The following ARL13B variants were observed in gnomAD, a reference collection of about 807,000 sequenced individuals.
ARL13B encodes ADP-ribosylation factor-like protein 13B.
ARL13B carries 36 observed loss-of-function variants against 56.1 expected under a neutral mutation model. That is an observed-to-expected ratio of 0.64 (90% CI 0.49 to 0.85). ARL13B has a LOEUF of 0.85. Among genes scored for constraint, ARL13B ranks in the 40% least tolerant of loss-of-function variants. The pLI is 0.00. For synonymous variants in ARL13B, 178 were observed against 171.1 expected (o/e 1.04, Z -0.32); for missense variants, 519 against 507.1 (o/e 1.02, Z -0.23).
intron 3 of ARL13B, among the ~76,000 whole-genome samples, chr3:94,027,956 T>C (rs2076592231): frequency 6.6e-6 from 1 of 152,134 alleles, no homozygotes; most frequent in Non-Finnish European, 1.5e-5. Flanking sequence ...GTTATACGTA[T>C]GTGTCAAATT....
At chr3:94,050,993 C>T (rs948027637) in intron 9 of ARL13B, 101 bp downstream of exon 9, 2 of 1,077,306 alleles carry the variant, frequency 1.9e-6, no homozygotes, top group Admixed American at 3.9e-5. Flanking sequence ...GTTTTAGAAG[C>T]TTGTCAAATC....
chr3:94,002,732 A>C (rs1263914722), intron 2 of ARL13B, among the ~76,000 whole-genome samples: 1 of 152,170 alleles, frequency 6.6e-6, no homozygotes, highest in African/African-American at 2.4e-5. Flanking sequence ...ATAAAGCACT[A>C]TTTCAGTCAC....
chr3:93,994,824 G>A (rs1412647565), intron 1 of ARL13B, among the ~76,000 whole-genome samples: 2 of 145,854 alleles, frequency 1.4e-5, no homozygotes, highest in African/African-American at 5.1e-5. Flanking sequence ...TAAATCTCTT[G>A]GATTTACAAG....
intron 3 of ARL13B, chr3:94,014,742 C>G: frequency 1.9e-6 from 3 of 1,613,168 alleles, no homozygotes; most frequent in Non-Finnish European, 2.5e-6. Context: ...CTTCAGACAT[C>G]TCTTTTCCAG....
intron 7 of ARL13B, chr3:94,047,999 GAC>G (rs5850922): frequency 0.29 from 41,214 of 141,780 alleles, 5,603 homozygotes; most frequent in Middle Eastern, 0.32. Context: ...ACATTGCATA[GAC>G]ACACACACAC....
rs538772098 is a variant in ARL13B at position 94,055,293 on chromosome 3, T to C, written c.*2030T>C. ...AATTTATATCAATATTCTGTTTCTCTTTTCAATTGGTAGATTTAAATGATT... is the reference window on the plus strand; with the variant it reads ...AATTTATATCAATATTCTGTTTCTCCTTTCAATTGGTAGATTTAAATGATT... On this transcript the variant is annotated 3_prime_UTR_variant, in exon 10 of 10. Coordinates refer to ENST00000394222, the MANE Select transcript of ARL13B (RefSeq NM_001174150.2). 7.2e-6 allele frequency: 3 copies of C among 416,516 alleles called. No homozygotes were observed. The highest frequency in any genetic ancestry group is 3.6e-5 in the South Asian group (2 of 55,842). 25.8% of individuals were successfully genotyped at this position (416,516 alleles called of 1,614,324 possible). A position where few individuals can be genotyped will look rare whatever the true frequency, so the allele number is the denominator to read the frequency against.
At position 94,042,914 on chromosome 3, in the gene ARL13B, T is replaced by C; in HGVS notation, c.799-101T>C. 4.3e-6 allele frequency: 4 copies of C among 926,656 alleles called. No homozygotes were observed. The South Asian group carries it at 6.9e-5, about 16-fold the overall frequency. 57.4% of individuals were successfully genotyped at this position (926,656 alleles called of 1,614,324 possible). A position where few individuals can be genotyped will look rare whatever the true frequency, so the allele number is the denominator to read the frequency against. On this transcript the variant is annotated intron_variant, in intron 6 of 9. Coordinates refer to ENST00000394222, the MANE Select transcript of ARL13B (RefSeq NM_001174150.2). ...TAAAATAGAAGTCTCACAGTGTCCTTGAAGTTACAGAATCCTGTTAAGGTA... is the reference window on the plus strand; with the variant it reads ...TAAAATAGAAGTCTCACAGTGTCCTCGAAGTTACAGAATCCTGTTAAGGTA...
chr3:93,980,814 A>T (rs1188964926), intron 1 of ARL13B, among the ~76,000 whole-genome samples: 1 of 151,968 alleles, frequency 6.6e-6, no homozygotes, highest in Non-Finnish European at 1.5e-5. Context: ...TGTAATGGAA[A>T]TTCTTTTAAA....
intron 3 of ARL13B, among the ~76,000 whole-genome samples, chr3:94,004,975 A>T (rs1271846921): frequency 6.6e-6 from 1 of 152,176 alleles, no homozygotes; most frequent in Non-Finnish European, 1.5e-5. Context: ...TCTAGACTAA[A>T]GTAAAAAATA....
chr3:93,980,586 G>T (rs1442241926), intron 1 of ARL13B, 104 bp downstream of exon 1: 2 of 1,405,778 alleles, frequency 1.4e-6, no homozygotes, highest in Non-Finnish European at 2.0e-6. Flanking sequence ...TCTATCCCAG[G>T]CCGCAAGGGA....
At chr3:93,998,251 A>G (rs937856704) in intron 2 of ARL13B, among the ~76,000 whole-genome samples, 6 of 152,192 alleles carry the variant, frequency 3.9e-5, no homozygotes, top group Admixed American at 3.9e-4. Context: ...CATTCATGGG[A>G]GCAGGCACCT....
In ARL13B at chr3:94,036,432, G is replaced by A. The variant is rs1409348458; in HGVS notation, c.487-120G>A. 3 of 975,612 alleles carry A rather than the reference G, an allele frequency of 3.1e-6. No homozygotes were observed. In the Admixed American group the frequency reaches 6.5e-5, roughly 21 times the overall value. The allele number at this position is 975,612 out of a possible 1,614,324, so 60.4% of individuals were successfully genotyped here. A position where few individuals can be genotyped will look rare whatever the true frequency, so the allele number is the denominator to read the frequency against. On this transcript the variant is annotated intron_variant, in intron 4 of 9. Transcript: ENST00000394222. ...TGTTTTGGAAGTTAAATAAGCAGAT[G>A]CTTCATATTATTAACTTAAATGGCT...
At chr3:94,010,671 T>G (rs532171570) in intron 3 of ARL13B, among the ~76,000 whole-genome samples, 1 of 152,144 alleles carries the variant, frequency 6.6e-6, no homozygotes, top group Admixed American at 6.5e-5. Context: ...TTGTTTAGAT[T>G]AAGGTGATAC....
intron 5 of ARL13B, 114 bp from the exon 6 acceptor site, chr3:94,039,766 A>G (rs1051860515): frequency 2.3e-6 from 2 of 870,438 alleles, no homozygotes; most frequent in South Asian, 3.2e-5. Context: ...ATTCAAAACC[A>G]TGTCCAGATG....
chr3:94,035,176 G>T (rs541538914), intron 3 of ARL13B, among the ~76,000 whole-genome samples, 155 bp from the exon 4 acceptor site: 1 of 150,920 alleles, frequency 6.6e-6, no homozygotes, highest in East Asian at 2.0e-4. Flanking sequence ...GGCGGAGGTT[G>T]CAGTGAGCTG....
intron 3 of ARL13B, among the ~76,000 whole-genome samples, chr3:94,034,874 A>G (rs1024289903): frequency 6.6e-5 from 10 of 152,228 alleles, no homozygotes; most frequent in African/African-American, 2.4e-4. Context: ...AAATGACAAA[A>G]TTGATGCTAC....
chr3:94,012,549 C>G lies in ARL13B; in HGVS notation c.380+8641C>G, dbSNP rs117116877. Among the ~76,000 whole-genome samples the G allele has an allele frequency of 4.3e-4, 65 of 152,224 alleles. 2 individuals carry two copies. In the East Asian group the frequency reaches 0.012, roughly 28 times the overall value. Reference sequence around the variant, plus strand: ...GAGTCAGACTGCCTGGGTTCATATCCCAATTCACTATGTGCAGTTTCTGTG... The same window carrying G: ...GAGTCAGACTGCCTGGGTTCATATCGCAATTCACTATGTGCAGTTTCTGTG... On this transcript the variant is annotated intron_variant, in intron 3 of 9. Transcript: ENST00000394222.
chr3:93,980,305 T>A lies in ARL13B; in HGVS notation c.-119T>A. 7.2e-7 allele frequency: 1 copy of A among 1,385,746 alleles called. No homozygotes were observed. The highest frequency in any genetic ancestry group is 1.0e-6 in the Non-Finnish European group (1 of 988,292). The allele number at this position is 1,385,746 out of a possible 1,614,324, so 85.8% of individuals were successfully genotyped here. ...GGCCGCCTTCACTTCCCTCCCGGCT[T>A]TTCCTCCCGACTTATCCACTTTAGG... On this transcript the variant is annotated 5_prime_UTR_variant, in exon 1 of 10. Transcript: ENST00000394222.
chr3:94,035,466 A>AT (rs762178265), intron 4 of ARL13B, 30 bp downstream of exon 4: 4 of 1,439,374 alleles, frequency 2.8e-6, no homozygotes, highest in East Asian at 2.3e-5. Context: ...TTTAATTTTA[A>AT]TTTTTTGTCC....
Sources: allele counts gnomAD v4.1 joint callset (sites outside exome capture counted in the v4.1 genomes callset), GRCh38; gene constraint gnomAD v4.1.1; transcripts MANE v1.5; gene names NCBI Gene and HGNC (gene_info 2026-07-23, HGNC 2026-07-21).